DYNC1I2: variants seen among roughly 807,000 people sequenced by gnomAD.
DYNC1I2 encodes the protein cytoplasmic dynein 1 intermediate chain 2.
In DYNC1I2, 53 loss-of-function variants were observed where a neutral mutation model predicts 88.6. The observed-to-expected ratio is 0.60, with a 90% CI of 0.48 to 0.75. The LOEUF (loss-of-function observed/expected upper bound fraction) is 0.75, where lower values mean the gene tolerates loss of function less well. Among genes scored for constraint, DYNC1I2 ranks in the 30% least tolerant of loss-of-function variants. DYNC1I2 has a pLI of 0.00. For missense variants in DYNC1I2, 458 were observed against 766.6 expected (o/e 0.60, Z 4.75); for synonymous variants, 198 against 254.6 (o/e 0.78, Z 2.12).
At chr2:171,746,494 G>T (rs891398287) in intron 17 of DYNC1I2, among the ~76,000 whole-genome samples, 3 of 152,072 alleles carry the variant, frequency 2.0e-5, no homozygotes, top group Non-Finnish European at 2.9e-5. Context: ...CTGGCTAGGG[G>T]TTAAAAAAGT....
chr2:171,689,405 C>T (rs1685214888), intron 1 of DYNC1I2, among the ~76,000 whole-genome samples: 1 of 152,070 alleles, frequency 6.6e-6, no homozygotes, highest in African/African-American at 2.4e-5. Flanking sequence ...TCAGTTTGAC[C>T]TATTGTTTTT....
chr2:171,694,797 TGAGCAA>T (rs1293593983), intron 3 of DYNC1I2, among the ~76,000 whole-genome samples: 1 of 152,158 alleles, frequency 6.6e-6, no homozygotes, highest in East Asian at 1.9e-4. Context: ...TCTCATGCAG[TGAGCAA>T]GAGCAAGAGG....
chr2:171,744,401 G>A (rs535256514), intron 16 of DYNC1I2, among the ~76,000 whole-genome samples: 6 of 152,194 alleles, frequency 3.9e-5, no homozygotes, highest in Non-Finnish European at 7.3e-5. Context: ...GAGCACTGGG[G>A]CATTTCCTTT....
chr2:171,718,312 T>C (rs953156335), intron 7 of DYNC1I2, among the ~76,000 whole-genome samples: 4 of 152,210 alleles, frequency 2.6e-5, no homozygotes, highest in Non-Finnish European at 5.9e-5. Context: ...TTTTTCTAAT[T>C]ACTATAGTGG....
chr2:171,733,669 A>G (rs938003188), intron 15 of DYNC1I2, among the ~76,000 whole-genome samples: 1 of 151,504 alleles, frequency 6.6e-6, no homozygotes, highest in African/African-American at 2.4e-5. Flanking sequence ...GATGCCGGAT[A>G]TTAGATCTTC....
intron 15 of DYNC1I2, among the ~76,000 whole-genome samples, chr2:171,735,413 G>A (rs924828133): frequency 2.6e-5 from 4 of 152,146 alleles, no homozygotes; most frequent in Admixed American, 6.5e-5. Context: ...CCACTAATGT[G>A]ACACTCAAAG....
At chr2:171,690,737 T>C in intron 2 of DYNC1I2, among the ~76,000 whole-genome samples, 1 of 148,968 alleles carries the variant, frequency 6.7e-6, no homozygotes, top group Non-Finnish European at 1.5e-5. Flanking sequence ...CACTGCAGCC[T>C]CAACCTCCCC....
intron 3 of DYNC1I2, among the ~76,000 whole-genome samples, chr2:171,702,038 T>G (rs1471239919): frequency 1.3e-5 from 2 of 152,208 alleles, no homozygotes; most frequent in Non-Finnish European, 2.9e-5. Context: ...TTTAATTTAT[T>G]TAGCTTATGA....
intron 16 of DYNC1I2, among the ~76,000 whole-genome samples, chr2:171,745,382 A>G (rs1689710287): frequency 6.6e-6 from 1 of 152,236 alleles, no homozygotes; most frequent in Non-Finnish European, 1.5e-5. Context: ...TGATAGAGAT[A>G]CATGCTGCAC....
At chr2:171,745,603 TC>T (rs955150816) in intron 16 of DYNC1I2, among the ~76,000 whole-genome samples, 198 bp from the exon 17 acceptor site, 4 of 152,198 alleles carry the variant, frequency 2.6e-5, no homozygotes, top group African/African-American at 7.2e-5. Flanking sequence ...AGACTTATTT[TC>T]CCAAACCATT....
chr2:171,725,884 A>G (rs1574594717), intron 8 of DYNC1I2, 35 bp from the exon 9 acceptor site: 2 of 1,542,444 alleles, frequency 1.3e-6, no homozygotes, highest in South Asian at 1.3e-5. Context: ...TTTGCCTGAC[A>G]TAAATCATAC....
intron 3 of DYNC1I2, among the ~76,000 whole-genome samples, chr2:171,701,111 A>G (rs1404386000): frequency 2.0e-5 from 3 of 152,228 alleles, no homozygotes; most frequent in African/African-American, 7.2e-5. Context: ...ATATTGTAGT[A>G]TTAGTATTGT....
At chr2:171,712,947 AT>A in intron 6 of DYNC1I2, 121 bp downstream of exon 6, 1 of 806,006 alleles carries the variant, frequency 1.2e-6, no homozygotes, top group Non-Finnish European at 2.0e-6. Flanking sequence ...CAAGAGTTAT[AT>A]TTTACTGTGA....
At chr2:171,689,723 A>G (rs1372497980) in intron 1 of DYNC1I2, among the ~76,000 whole-genome samples, 1 of 151,488 alleles carries the variant, frequency 6.6e-6, no homozygotes, top group Admixed American at 6.6e-5. Context: ...TTATCTTTTA[A>G]AAGTTTATTT....
chr2:171,713,198 C>T (rs1360740233), intron 6 of DYNC1I2, among the ~76,000 whole-genome samples: 1 of 151,948 alleles, frequency 6.6e-6, no homozygotes, highest in Non-Finnish European at 1.5e-5. Context: ...CTGATGATTT[C>T]TAAGATTTTG....
chr2:171,705,793 A>C (rs951919279), intron 3 of DYNC1I2, among the ~76,000 whole-genome samples: 4 of 152,082 alleles, frequency 2.6e-5, no homozygotes, highest in Non-Finnish European at 1.5e-5. Context: ...ATAGGAAGCT[A>C]TCTGGTCTTA....
chr2:171,715,064 C>G (rs1016504534), intron 6 of DYNC1I2, among the ~76,000 whole-genome samples: 2 of 152,026 alleles, frequency 1.3e-5, no homozygotes, highest in Admixed American at 1.3e-4. Flanking sequence ...CATTATTGCC[C>G]GCACATTTGT....
chr2:171,744,960 C>T (rs569760625), intron 16 of DYNC1I2, among the ~76,000 whole-genome samples: 1 of 152,158 alleles, frequency 6.6e-6, no homozygotes, highest in Admixed American at 6.5e-5. Context: ...ATTCTGTTTT[C>T]TTAATTTGGA....
chr2:171,710,335 C>T (rs1349710878), intron 5 of DYNC1I2, among the ~76,000 whole-genome samples: 9 of 151,992 alleles, frequency 5.9e-5, no homozygotes, highest in Non-Finnish European at 1.3e-4. Context: ...TGAGCAAACA[C>T]GATGTTAATG....
Sources: gnomAD v4.1 joint callset for allele counts (sites outside exome capture counted in the v4.1 genomes callset) on GRCh38, gnomAD v4.1.1 for gene constraint, MANE v1.5 for transcripts, NCBI Gene and HGNC (gene_info 2026-07-23, HGNC 2026-07-21) for gene names.